CTNNAL1: variants seen among roughly 807,000 people sequenced by gnomAD.
The protein encoded by CTNNAL1 is catenin alpha like 1, also known as alpha-catulin.
In CTNNAL1, 69 loss-of-function variants were observed where a neutral mutation model predicts 93.6. That is an observed-to-expected ratio of 0.74 (90% CI 0.61 to 0.90). CTNNAL1 has a LOEUF of 0.90. CTNNAL1 is among the 40% of genes least tolerant of loss of function. The pLI is 0.00. For missense variants in CTNNAL1, 836 were observed against 862.0 expected, an observed-to-expected ratio of 0.97 and a Z score of 0.38; for synonymous variants, 286 against 305.4, an observed-to-expected ratio of 0.94 and a Z score of 0.66.
At chr9:108,972,864 G>GGGGGGGCCGCCCCCC in intron 8 of CTNNAL1, 31 bp from the exon 9 acceptor site, 2 of 142,580 alleles carry the variant, frequency 1.4e-5, no homozygotes, top group Non-Finnish European at 2.0e-5. Flanking sequence ...GGGGGGGTGG[G>GGGGGGGCCGCCCCCC]AGGGTGGAGA....
chr9:109,004,796 A>C (rs536684548), intron 1 of CTNNAL1, among the ~76,000 whole-genome samples: 1 of 152,168 alleles, frequency 6.6e-6, no homozygotes, highest in East Asian at 1.9e-4. Context: ...GAAAAAAATA[A>C]ATAAATAAAT....
chr9:108,949,069 TATGA>T (rs1406079346), intron 14 of CTNNAL1, among the ~76,000 whole-genome samples: 1 of 152,150 alleles, frequency 6.6e-6, no homozygotes, highest in Admixed American at 6.5e-5. Context: ...TATTAAGAAA[TATGA>T]ATGATTACAT....
At chr9:108,980,105 C>T (rs1463284012) in intron 6 of CTNNAL1, among the ~76,000 whole-genome samples, 1 of 152,196 alleles carries the variant, frequency 6.6e-6, no homozygotes, top group African/African-American at 2.4e-5. Context: ...AATAGTTCCT[C>T]GCCATCTATA....
At chr9:108,959,081 T>C (rs1337297293) in intron 11 of CTNNAL1, among the ~76,000 whole-genome samples, 1 of 151,488 alleles carries the variant, frequency 6.6e-6, no homozygotes, top group Non-Finnish European at 1.5e-5. Flanking sequence ...CTGAGTAGGC[T>C]GGGCATGGTG....
At chr9:109,002,344 C>T (rs1826860406) in intron 1 of CTNNAL1, among the ~76,000 whole-genome samples, 1 of 152,138 alleles carries the variant, frequency 6.6e-6, no homozygotes, top group Non-Finnish European at 1.5e-5. Flanking sequence ...ACTCTTAATA[C>T]CATCATTATG....
intron 17 of CTNNAL1, among the ~76,000 whole-genome samples, chr9:108,943,306 G>C (rs746100941): frequency 3.3e-5 from 5 of 152,040 alleles, no homozygotes; most frequent in Non-Finnish European, 7.4e-5. Context: ...GGCTGTTTAG[G>C]GGCTTCTCAA....
chr9:108,961,901 T>C (rs957329449), intron 11 of CTNNAL1, among the ~76,000 whole-genome samples: 17 of 152,190 alleles, frequency 1.1e-4, no homozygotes, highest in African/African-American at 3.9e-4. Context: ...CTTCCTGGGA[T>C]CTCTCAGTCA....
In CTNNAL1 at chr9:108,965,365, G is replaced by A. The variant is rs1587956816; in HGVS notation, c.1591+13C>T. 4 of 1,407,960 alleles carry A rather than the reference G, an allele frequency of 2.8e-6. No homozygotes were observed. The highest frequency in any genetic ancestry group is 2.7e-5 in the East Asian group (1 of 37,070). 87.2% of individuals were successfully genotyped at this position (1,407,960 alleles called of 1,614,324 possible). A position where few individuals can be genotyped will look rare whatever the true frequency, so the allele number is the denominator to read the frequency against. ...AAATAATAACATATTTCATTATGTG[G>A]ACAGTTTCTCACCTCGTCTTCCTTC... On this transcript the variant is annotated intron_variant, in intron 11 of 18. Coordinates refer to ENST00000325551, the MANE Select transcript of CTNNAL1 (RefSeq NM_003798.4).
Position 109,008,336 on chromosome 9 carries a change from T to C in CTNNAL1, c.141+4966A>G, listed in dbSNP as rs368292857. ...CCACGCCAGCTAACTTTTGTATTTT[T>C]AGTAGAGACGGGGTTGGTCAGGCAG... On this transcript the variant is annotated intron_variant, in intron 1 of 18. Transcript: ENST00000325551. Among the ~76,000 whole-genome samples the C allele has an allele frequency of 2.8e-4, 43 of 152,072 alleles. 1 individual carries two copies. In the South Asian group the frequency reaches 8.5e-3, roughly 30 times the overall value.
chr9:108,990,614 T>C, intron 4 of CTNNAL1, 112 bp downstream of exon 4: 1 of 1,332,952 alleles, frequency 7.5e-7, no homozygotes, highest in Non-Finnish European at 1.0e-6. Context: ...AGACCAAGGC[T>C]ATAGACTTAA....
chr9:108,967,590 T>C (rs1355085018), intron 10 of CTNNAL1, among the ~76,000 whole-genome samples: 1 of 152,150 alleles, frequency 6.6e-6, no homozygotes, highest in Non-Finnish European at 1.5e-5. Context: ...AATAAAAATA[T>C]GTATCAAAAT....
Position 108,970,460 on chromosome 9 carries a change from T to A in CTNNAL1, c.1382A>T (p.Glu461Val). ...CRLLRHISGT[E>V]PLEITCIHAE... Reference sequence around the variant, plus strand: ...ATGTATACAGGTTATTTCCAGAGGTTCTGTCCCAGATATGTGTCGTAACAA... The same window carrying A: ...ATGTATACAGGTTATTTCCAGAGGTACTGTCCCAGATATGTGTCGTAACAA... Residue 461 changes from glutamate to valine, a missense_variant, in exon 10 of 19, where the codon GAA becomes GTA. By Grantham distance (121) the Glu-to-Val change is moderately radical. Coordinates refer to ENST00000325551, the MANE Select transcript of CTNNAL1 (RefSeq NM_003798.4). 6.2e-7 allele frequency: 1 copy of A among 1,612,478 alleles called. No individual in the cohort carries two copies. Among genetic ancestry groups the A allele is most frequent in the South Asian group, 1.1e-5 (1 of 90,824 alleles).
At chr9:108,950,748 T>C in intron 14 of CTNNAL1, 2 of 940,190 alleles carry the variant, frequency 2.1e-6, no homozygotes. Flanking sequence ...AACCCTTTCT[T>C]TTCTCCTTTT....
At chr9:108,976,914 T>G (rs1158781193) in intron 8 of CTNNAL1, 48 bp downstream of exon 8, 4 of 774,050 alleles carry the variant, frequency 5.2e-6, no homozygotes, top group Non-Finnish European at 5.9e-6. Context: ...CCATACAACA[T>G]GAAAATCACA....
At chr9:108,956,918 A>C (rs1411751048) in intron 11 of CTNNAL1, among the ~76,000 whole-genome samples, 12 of 151,930 alleles carry the variant, frequency 7.9e-5, no homozygotes, top group African/African-American at 2.9e-4. Context: ...TGTATTAAAC[A>C]CTTACAAGTG....
intron 15 of CTNNAL1, among the ~76,000 whole-genome samples, chr9:108,944,221 G>A (rs776211006): frequency 5.3e-5 from 8 of 152,170 alleles, no homozygotes; most frequent in East Asian, 3.8e-4. Flanking sequence ...CAGACCAGAT[G>A]CAGAATCCAT....
chr9:108,954,806 A>G (rs1587947943), intron 12 of CTNNAL1, among the ~76,000 whole-genome samples: 1 of 151,136 alleles, frequency 6.6e-6, no homozygotes, highest in East Asian at 1.9e-4. Context: ...GATTTGATTT[A>G]TCATTTGTTC....
At chr9:108,980,049 C>T (rs1368418907) in intron 6 of CTNNAL1, among the ~76,000 whole-genome samples, 1 of 152,232 alleles carries the variant, frequency 6.6e-6, no homozygotes, top group Non-Finnish European at 1.5e-5. Flanking sequence ...ACCAGAGGGT[C>T]TGTATAATCT....
chr9:108,955,138 G>T (rs932111805), intron 12 of CTNNAL1, among the ~76,000 whole-genome samples: 5 of 151,430 alleles, frequency 3.3e-5, no homozygotes, highest in African/African-American at 4.9e-5. Context: ...AATTTTTTTT[G>T]TTGTTGTTGT....
Sources: allele counts gnomAD v4.1 joint callset (sites outside exome capture counted in the v4.1 genomes callset), GRCh38; gene constraint gnomAD v4.1.1; transcripts MANE v1.5; gene names NCBI Gene and HGNC (gene_info 2026-07-23, HGNC 2026-07-21).